The following STYXL1 variants were observed in gnomAD, a reference collection of about 807,000 sequenced individuals.
STYXL1 encodes the protein serine/threonine/tyrosine-interacting-like protein 1.
In STYXL1, 32 loss-of-function variants were observed where a neutral mutation model predicts 36.4. The ratio of observed to expected loss-of-function variants is 0.88; its 90% CI spans 0.66 to 1.18. The LOEUF is 1.18. Among genes scored for constraint, STYXL1 ranks in the 50% most tolerant of loss-of-function variants. The pLI is 0.00. For synonymous variants in STYXL1, 133 were observed against 144.1 expected, an observed-to-expected ratio of 0.92 and a Z score of 0.55; for missense variants, 354 against 394.1, an observed-to-expected ratio of 0.90 and a Z score of 0.86.
intron 2 of STYXL1, 47 bp from the exon 3 acceptor site, chr7:76,028,750 G>C: frequency 6.5e-7 from 1 of 1,542,544 alleles, no homozygotes; most frequent in Non-Finnish European, 9.0e-7. Flanking sequence ...AGGAACATAC[G>C]ACCAAACTAC....
At chr7:76,000,218 C>CAAAAAAA (rs35153306) in intron 8 of STYXL1, among the ~76,000 whole-genome samples, 2 of 69,464 alleles carry the variant, frequency 2.9e-5, no homozygotes, top group Non-Finnish European at 3.2e-5. Flanking sequence ...GACTCCATCT[C>CAAAAAAA]AAAAAAAAAA....
chr7:76,032,481 C>A (rs541328320), intron 1 of STYXL1, among the ~76,000 whole-genome samples: 32 of 151,434 alleles, frequency 2.1e-4, no homozygotes, highest in Non-Finnish European at 4.0e-4. Context: ...GAGGCTGAGG[C>A]AGGCAGATCA....
intron 5 of STYXL1, among the ~76,000 whole-genome samples, chr7:76,008,385 C>G (rs368825454): frequency 6.6e-6 from 1 of 152,074 alleles, no homozygotes; most frequent in East Asian, 1.9e-4. Context: ...TCCCCTGGCT[C>G]TAAGTCTGAC....
At chr7:76,001,792 A>ATTTTTTTTTT (rs71082373) in intron 7 of STYXL1, among the ~76,000 whole-genome samples, 1 of 96,950 alleles carries the variant, frequency 1.0e-5, no homozygotes, top group African/African-American at 4.2e-5. Flanking sequence ...ACTGCGCCTG[A>ATTTTTTTTTT]TTTTTTTTTT....
intron 1 of STYXL1, among the ~76,000 whole-genome samples, chr7:76,034,433 T>G (rs893644800): frequency 1.2e-4 from 18 of 152,286 alleles, no homozygotes; most frequent in Admixed American, 8.5e-4. Context: ...CCTCAGCCTC[T>G]TAGGAGCATG....
At chr7:76,036,039 G>C (rs1416894161) in intron 1 of STYXL1, among the ~76,000 whole-genome samples, 1 of 150,112 alleles carries the variant, frequency 6.7e-6, no homozygotes, top group South Asian at 2.2e-4. Context: ...CCTTGGGTAA[G>C]TTGAGGACTG....
At chr7:76,000,404 G>A (rs1172645669) in intron 8 of STYXL1, 4 of 456,574 alleles carry the variant, frequency 8.8e-6, no homozygotes, top group Non-Finnish European at 1.8e-5. Flanking sequence ...TGGGGATCAC[G>A]AACAGGCTGT....
At chr7:76,026,385 T>A (rs924084000) in intron 3 of STYXL1, among the ~76,000 whole-genome samples, 8 of 151,624 alleles carry the variant, frequency 5.3e-5, no homozygotes, top group Non-Finnish European at 8.8e-5. Context: ...ACTCAAGTGA[T>A]CCTCCCATCT....
intron 8 of STYXL1, among the ~76,000 whole-genome samples, chr7:76,000,106 G>A (rs782575941): frequency 2.0e-5 from 3 of 150,760 alleles, no homozygotes; most frequent in Non-Finnish European, 2.9e-5. Context: ...CAGGAGAATC[G>A]CTTGAACCCA....
chr7:76,000,468 C>A (rs995457360), intron 8 of STYXL1: 4 of 457,758 alleles, frequency 8.7e-6, no homozygotes, highest in Non-Finnish European at 1.3e-5. Context: ...GCTCCGAGTT[C>A]CGCCTGGGTT....
chr7:76,014,799 A>G (rs1374249761), intron 4 of STYXL1, among the ~76,000 whole-genome samples: 2 of 147,160 alleles, frequency 1.4e-5, no homozygotes, highest in African/African-American at 5.4e-5. Context: ...TTATATTTAT[A>G]CCACATATAT....
intron 1 of STYXL1, among the ~76,000 whole-genome samples, chr7:76,042,882 G>A (rs144337663): frequency 1.3e-5 from 2 of 152,158 alleles, no homozygotes; most frequent in African/African-American, 4.8e-5. Context: ...CCAGAAGCCA[G>A]CCCCTAGGGT....
At chr7:76,034,171 T>C (rs569727323) in intron 1 of STYXL1, among the ~76,000 whole-genome samples, 4 of 152,200 alleles carry the variant, frequency 2.6e-5, no homozygotes, top group Non-Finnish European at 4.4e-5. Flanking sequence ...GGCACTATCA[T>C]AGCTTGCTGC....
intron 4 of STYXL1, among the ~76,000 whole-genome samples, chr7:76,017,203 A>G (rs1793480262): frequency 6.6e-6 from 1 of 151,916 alleles, no homozygotes; most frequent in African/African-American, 2.4e-5. Context: ...TTGTATTTTT[A>G]GTAGAGACGG....
At chr7:76,008,674 G>A (rs1398875247) in intron 5 of STYXL1, among the ~76,000 whole-genome samples, 13 of 152,122 alleles carry the variant, frequency 8.5e-5, no homozygotes, top group African/African-American at 3.1e-4. Flanking sequence ...CAGCTTGCTG[G>A]TGCCAAATGA....
intron 1 of STYXL1, among the ~76,000 whole-genome samples, chr7:76,042,139 A>C (rs1251985298): frequency 6.6e-6 from 1 of 152,154 alleles, no homozygotes; most frequent in Non-Finnish European, 1.5e-5. Context: ...TGGGCTGTAG[A>C]AAACTATGTG....
intron 1 of STYXL1, among the ~76,000 whole-genome samples, chr7:76,039,992 A>G (rs1249862463): frequency 1.3e-5 from 2 of 152,170 alleles, no homozygotes; most frequent in African/African-American, 4.8e-5. Context: ...GGTATGGATC[A>G]GAGGCCTAGA....
Position 76,005,346 on chromosome 7 carries a change from C to T in STYXL1, c.512G>A (p.Gly171Asp), listed in dbSNP as rs566967271. Residue 171 changes from glycine to aspartate, a missense_variant, in exon 6 of 9, where the codon GGC becomes GAC. Transcript: ENST00000359697. ...IEIVPGKVFV[G>D]NFSQACDPKI... ...GGGGTCACAGGCTTGACTGAAATTGCCAACGAAGACCTTCCCTGGCACGAT... is the reference window on the plus strand; with the variant it reads ...GGGGTCACAGGCTTGACTGAAATTGTCAACGAAGACCTTCCCTGGCACGAT... The T allele has an allele frequency of 1.4e-5, 23 of 1,613,352 alleles. No homozygotes were observed. The South Asian group carries it at 2.2e-4, about 15-fold the overall frequency.
At position 75,996,391 on chromosome 7, in the gene STYXL1, T is replaced by C. The variant is rs1554563904; in HGVS notation, c.*77A>G. 1 of 1,612,620 alleles carries C rather than the reference T, an allele frequency of 6.2e-7. No homozygotes were observed. The highest frequency in any genetic ancestry group is 8.5e-7 in the Non-Finnish European group (1 of 1,179,342). The stretch of plus-strand genomic sequence containing the variant: ...TTCTCCTTCCAGACAAGCCTGGGTA[T>C]ACACACTCTGGCCCTCCACCCACAA... On this transcript the variant is annotated 3_prime_UTR_variant, in exon 9 of 9. Coordinates refer to ENST00000359697, the MANE Select transcript of STYXL1 (RefSeq NM_001317785.2).
Sources: gnomAD v4.1 joint callset for allele counts (sites outside exome capture counted in the v4.1 genomes callset) on GRCh38, gnomAD v4.1.1 for gene constraint, MANE v1.5 for transcripts, NCBI Gene and HGNC (gene_info 2026-07-23, HGNC 2026-07-21) for gene names.